Variants in FAM114A1 observed in about 807,000 individuals in gnomAD.
The protein encoded by FAM114A1 is protein NOXP20.
In FAM114A1, 62 loss-of-function variants were observed where a neutral mutation model predicts 64.3. The observed-to-expected ratio is 0.96, with a 90% CI of 0.79 to 1.19. The LOEUF (loss-of-function observed/expected upper bound fraction) is 1.19. Ranked by LOEUF, FAM114A1 falls within the 50% of genes most tolerant of loss-of-function variation. The pLI is 0.00. For synonymous variants in FAM114A1, 254 were observed against 251.1 expected (o/e 1.01, Z -0.11); for missense variants, 645 against 676.3 (o/e 0.95, Z 0.51).
intron 9 of FAM114A1, among the ~76,000 whole-genome samples, chr4:38,923,499 G>A (rs1314131953): frequency 1.3e-5 from 2 of 152,068 alleles, no homozygotes; most frequent in African/African-American, 2.4e-5. Flanking sequence ...GGGATTACAG[G>A]CATGAGCCGC....
intron 7 of FAM114A1, among the ~76,000 whole-genome samples, chr4:38,913,082 CAA>C (rs1718711085): frequency 6.6e-6 from 1 of 152,146 alleles, no homozygotes; most frequent in African/African-American, 2.4e-5. Context: ...CAATAAAAAC[CAA>C]AGTCTATTCT....
chr4:38,879,575 C>A (rs1715002816), intron 3 of FAM114A1, among the ~76,000 whole-genome samples: 1 of 152,166 alleles, frequency 6.6e-6, no homozygotes, highest in Non-Finnish European at 1.5e-5. Context: ...GGGTTTGACC[C>A]TCAGAACTGT....
intron 7 of FAM114A1, 61 bp downstream of exon 7, chr4:38,908,787 T>G (rs2109690956): frequency 6.9e-7 from 1 of 1,444,336 alleles, no homozygotes; most frequent in South Asian, 1.5e-5. Context: ...AATTTTTTAT[T>G]TATCTTTTTG....
intron 3 of FAM114A1, among the ~76,000 whole-genome samples, chr4:38,890,010 C>T (rs1716171149): frequency 6.6e-6 from 1 of 151,510 alleles, no homozygotes; most frequent in African/African-American, 2.4e-5. Context: ...AGTGGGCACT[C>T]GCTGTAACTA....
At chr4:38,882,553 C>G (rs949055743) in intron 3 of FAM114A1, among the ~76,000 whole-genome samples, 1 of 151,886 alleles carries the variant, frequency 6.6e-6, no homozygotes, top group African/African-American at 2.4e-5. Flanking sequence ...CACTTGAACC[C>G]GGGAGGCGGA....
intron 4 of FAM114A1, among the ~76,000 whole-genome samples, chr4:38,897,696 G>A (rs573614936): frequency 6.6e-6 from 1 of 151,900 alleles, no homozygotes; most frequent in Non-Finnish European, 1.5e-5. Context: ...GAGGGTTTTT[G>A]GGGAGGCTGA....
At chr4:38,911,482 G>A (rs1718523824) in intron 7 of FAM114A1, among the ~76,000 whole-genome samples, 1 of 152,222 alleles carries the variant, frequency 6.6e-6, no homozygotes, top group Non-Finnish European at 1.5e-5. Flanking sequence ...ACCCTCCACT[G>A]GAGGCAATTG....
chr4:38,928,734 G>A (rs1720364865), intron 9 of FAM114A1, among the ~76,000 whole-genome samples: 1 of 152,206 alleles, frequency 6.6e-6, no homozygotes, highest in Non-Finnish European at 1.5e-5. Context: ...AATTTCTCCA[G>A]AGAGATGGTT....
intron 4 of FAM114A1, among the ~76,000 whole-genome samples, chr4:38,897,726 G>A (rs1220718810): frequency 1.3e-5 from 2 of 151,982 alleles, no homozygotes; most frequent in African/African-American, 4.8e-5. Flanking sequence ...ATCAACTTGA[G>A]GTCAGGAGTT....
At chr4:38,874,586 T>C (rs1043445572) in intron 2 of FAM114A1, among the ~76,000 whole-genome samples, 6 of 152,224 alleles carry the variant, frequency 3.9e-5, no homozygotes, top group East Asian at 3.8e-4. Context: ...ACATGCATAG[T>C]TGCAAATATT....
At position 38,895,779 on chromosome 4, in the gene FAM114A1, T is replaced by G. The variant is rs76471571; in HGVS notation, c.436+3949T>G. On this transcript the variant is annotated intron_variant, in intron 4 of 14. Transcript: ENST00000358869. ...GTGGTAAAGCCTATTGCGCCGAGGC[T>G]GCAAACATAGGACAGCTTATTACTG... Among the ~76,000 whole-genome samples the G allele has an allele frequency of 6.6e-5, 10 of 152,348 alleles. No homozygotes were observed. In the East Asian group the frequency reaches 1.9e-3, roughly 29 times the overall value.
intron 4 of FAM114A1, among the ~76,000 whole-genome samples, chr4:38,901,529 T>A (rs1258485928): frequency 6.6e-6 from 1 of 152,176 alleles, no homozygotes; most frequent in Admixed American, 6.5e-5. Flanking sequence ...TGATCTCAGG[T>A]GATCCGCCTA....
intron 7 of FAM114A1, 49 bp from the exon 8 acceptor site, chr4:38,914,872 G>A (rs200754144): frequency 1.2e-5 from 19 of 1,583,574 alleles, no homozygotes; most frequent in East Asian, 2.3e-5. Flanking sequence ...CACAGGAAAC[G>A]GTGCTTTTAA....
intron 3 of FAM114A1, among the ~76,000 whole-genome samples, chr4:38,883,749 C>T (rs894551541): frequency 5.3e-5 from 8 of 152,198 alleles, no homozygotes; most frequent in Middle Eastern, 3.2e-3. Flanking sequence ...GAGTTTTCTC[C>T]GGTTCTGTTT....
At chr4:38,894,307 A>G (rs1422848006) in intron 4 of FAM114A1, among the ~76,000 whole-genome samples, 3 of 152,180 alleles carry the variant, frequency 2.0e-5, no homozygotes, top group East Asian at 1.9e-4. Context: ...CTGAGCCACC[A>G]TGCAGATAAT....
intron 4 of FAM114A1, among the ~76,000 whole-genome samples, chr4:38,892,433 T>A (rs1716498809): frequency 6.6e-6 from 1 of 152,188 alleles, no homozygotes; most frequent in South Asian, 2.1e-4. Context: ...AAACAAAATT[T>A]TAATTTAAAT....
intron 3 of FAM114A1, among the ~76,000 whole-genome samples, chr4:38,881,239 C>T (rs1467871608): frequency 2.0e-5 from 3 of 151,922 alleles, no homozygotes; most frequent in Admixed American, 6.6e-5. Context: ...ACCACATTTG[C>T]CTTAAATGTT....
At position 38,878,376 on chromosome 4, in the gene FAM114A1, C is replaced by A; in HGVS notation, c.298C>A (p.Leu100Ile). The A allele has an allele frequency of 1.2e-6, 2 of 1,611,582 alleles. No individual in the cohort carries two copies. Among genetic ancestry groups the A allele is most frequent in the Non-Finnish European group, 1.7e-6 (2 of 1,178,616 alleles). ...TGCTGAATGTATTGATTCCGTCAGCCTTGAGGCAGAACCCAGATCCGAAAT... is the reference window on the plus strand; with the variant it reads ...TGCTGAATGTATTGATTCCGTCAGCATTGAGGCAGAACCCAGATCCGAAAT... ...TLAECIDSVS[L>I]EAEPRSEIPL... The change falls in exon 3 of 15, where the codon CTT becomes ATT. Residue 100 changes from leucine to isoleucine, a missense_variant. Physicochemically the swap from Leu to Ile is conservative, Grantham distance 5. Coordinates refer to ENST00000358869, the MANE Select transcript of FAM114A1 (RefSeq NM_138389.4).
intron 9 of FAM114A1, among the ~76,000 whole-genome samples, chr4:38,927,111 A>G (rs113174475): frequency 0.2 from 30,016 of 151,962 alleles, 3,183 homozygotes; most frequent in Middle Eastern, 0.3. Context: ...TACTCTTGCT[A>G]CACTGCAGCT....
Sources: gnomAD v4.1 joint callset for allele counts (sites outside exome capture counted in the v4.1 genomes callset) on GRCh38, gnomAD v4.1.1 for gene constraint, MANE v1.5 for transcripts, NCBI Gene and HGNC (gene_info 2026-07-23, HGNC 2026-07-21) for gene names.